Variants in MSRB3 observed in about 807,000 individuals in gnomAD.
MSRB3 encodes the protein methionine-R-sulfoxide reductase B3.
In MSRB3, 13 loss-of-function variants were observed where a neutral mutation model predicts 21.0. The observed-to-expected ratio is 0.62, with a 90% CI of 0.40 to 0.98. The LOEUF (loss-of-function observed/expected upper bound fraction) is 0.98, where lower values mean the gene tolerates loss of function less well. Ranked by LOEUF, MSRB3 falls within the 50% of genes least tolerant of loss-of-function variation. The probability of loss-of-function intolerance (pLI) is 0.00; values close to 1 mark genes in which losing one functional copy is unlikely to be tolerated. For synonymous variants in MSRB3, 87 were observed against 88.6 expected (o/e 0.98, Z 0.10); for missense variants, 199 against 230.3 (o/e 0.86, Z 0.88).
chr12:65,391,475 C>T (rs1162846784), intron 5 of MSRB3, among the ~76,000 whole-genome samples: 1 of 152,170 alleles, frequency 6.6e-6, no homozygotes, highest in Non-Finnish European at 1.5e-5. Context: ...TGGTTGTAGA[C>T]TTTTAATTTC....
intron 4 of MSRB3, among the ~76,000 whole-genome samples, chr12:65,332,240 C>T (rs1875470741): frequency 6.6e-6 from 1 of 151,976 alleles, no homozygotes; most frequent in Non-Finnish European, 1.5e-5. Context: ...CTATCAGGGG[C>T]CCTGTAGGTA....
chr12:65,392,208 T>G (rs1879519589), intron 5 of MSRB3, among the ~76,000 whole-genome samples: 1 of 152,128 alleles, frequency 6.6e-6, no homozygotes, highest in African/African-American at 2.4e-5. Context: ...GACACTGGCA[T>G]TGTTTTAAAA....
chr12:65,298,533 G>A (rs1006041442), intron 1 of MSRB3, among the ~76,000 whole-genome samples: 3 of 152,090 alleles, frequency 2.0e-5, no homozygotes, highest in African/African-American at 7.2e-5. Flanking sequence ...TCTCATTCAG[G>A]ACTTTTCCTC....
At chr12:65,330,985 G>T (rs574626815) in intron 4 of MSRB3, among the ~76,000 whole-genome samples, 2 of 152,114 alleles carry the variant, frequency 1.3e-5, no homozygotes, top group Non-Finnish European at 2.9e-5. Context: ...GAATACATCC[G>T]ATTTGGTTGA....
At chr12:65,330,115 G>A (rs1875312039) in intron 4 of MSRB3, among the ~76,000 whole-genome samples, 1 of 152,134 alleles carries the variant, frequency 6.6e-6, no homozygotes, top group South Asian at 2.1e-4. Flanking sequence ...TTTTGATTCA[G>A]ATTCTCCATC....
At chr12:65,434,271 T>C (rs1338524447) in intron 5 of MSRB3, among the ~76,000 whole-genome samples, 2 of 151,898 alleles carry the variant, frequency 1.3e-5, no homozygotes, top group Non-Finnish European at 2.9e-5. Flanking sequence ...GCATTCCTCC[T>C]TTGATCCTTC....
intron 5 of MSRB3, among the ~76,000 whole-genome samples, chr12:65,398,979 TA>T (rs1879967741): frequency 6.6e-6 from 1 of 152,172 alleles, no homozygotes; most frequent in Non-Finnish European, 1.5e-5. Context: ...TCAATTTTGG[TA>T]CCAGTACCAT....
At chr12:65,445,602 T>C (rs1882577203) in intron 5 of MSRB3, among the ~76,000 whole-genome samples, 1 of 151,814 alleles carries the variant, frequency 6.6e-6, no homozygotes, top group African/African-American at 2.4e-5. Flanking sequence ...TTTATGCTAA[T>C]TTCATGTATA....
intron 5 of MSRB3, among the ~76,000 whole-genome samples, chr12:65,416,491 G>A (rs1880982018): frequency 6.6e-6 from 1 of 152,208 alleles, no homozygotes; most frequent in African/African-American, 2.4e-5. Context: ...ACATTGGAGA[G>A]CATATACAAA....
At chr12:65,346,647 C>T (rs1259390668) in intron 4 of MSRB3, among the ~76,000 whole-genome samples, 11 of 151,992 alleles carry the variant, frequency 7.2e-5, no homozygotes, top group Middle Eastern at 3.4e-3. Flanking sequence ...GTTTTAGACA[C>T]GAAGTCCTTG....
intron 5 of MSRB3, among the ~76,000 whole-genome samples, chr12:65,422,981 A>C (rs1331851875): frequency 2.0e-5 from 1 of 49,716 alleles, no homozygotes; most frequent in African/African-American, 6.4e-5. Context: ...TTTTTTTTTG[A>C]GACAGAGTCT....
intron 1 of MSRB3, among the ~76,000 whole-genome samples, chr12:65,307,443 C>T (rs1022521449): frequency 2.6e-5 from 4 of 151,932 alleles, no homozygotes; most frequent in Admixed American, 6.6e-5. Flanking sequence ...CAGAAGAGTC[C>T]GGAACAGACT....
intron 4 of MSRB3, among the ~76,000 whole-genome samples, chr12:65,335,923 G>A (rs142379608): frequency 1.3e-5 from 2 of 152,200 alleles, no homozygotes; most frequent in African/African-American, 2.4e-5. Context: ...ATCCTTTAAC[G>A]AAGAAAGCTT....
Position 65,465,423 on chromosome 12 carries a change from A to C in MSRB3, c.*2101A>C, listed in dbSNP as rs1391621258. ...ATGAAGACTGACAGCTTTCCTTGTA[A>C]GCACTAAGAGAAAAAAAAGAAAGAG... On this transcript the variant is annotated 3_prime_UTR_variant, in exon 7 of 7. Transcript: ENST00000308259. The C allele has an allele frequency of 6.6e-6, 1 of 152,184 alleles. No homozygotes were observed. The highest frequency in any genetic ancestry group is 2.4e-5 in the African/African-American group (1 of 41,444). The allele number at this position is 152,184 out of a possible 1,614,324, so 9.4% of individuals were successfully genotyped here. A position where few individuals can be genotyped will look rare whatever the true frequency, so the allele number is the denominator to read the frequency against.
At chr12:65,320,789 G>T (rs1449352410) in intron 2 of MSRB3, among the ~76,000 whole-genome samples, 1 of 152,152 alleles carries the variant, frequency 6.6e-6, no homozygotes, top group Non-Finnish European at 1.5e-5. Flanking sequence ...ATTAAGATAC[G>T]TAGTTGTAAA....
chr12:65,307,744 A>G (rs536966913), intron 1 of MSRB3, among the ~76,000 whole-genome samples: 54 of 152,298 alleles, frequency 3.5e-4, no homozygotes, highest in African/African-American at 1.1e-3. Flanking sequence ...ACATTAAAAA[A>G]CATTTTTACA....
At chr12:65,375,709 A>G (rs1156610326) in intron 5 of MSRB3, among the ~76,000 whole-genome samples, 1 of 152,120 alleles carries the variant, frequency 6.6e-6, no homozygotes, top group Non-Finnish European at 1.5e-5. Flanking sequence ...ACAGCACTAG[A>G]ATTAGGCATG....
At chr12:65,290,963 C>G (rs1872632074) in intron 1 of MSRB3, among the ~76,000 whole-genome samples, 1 of 152,196 alleles carries the variant, frequency 6.6e-6, no homozygotes. Flanking sequence ...CCAAACCCCT[C>G]AAATTACAGA....
chr12:65,313,199 C>T (rs963492463), intron 2 of MSRB3, among the ~76,000 whole-genome samples: 1 of 152,070 alleles, frequency 6.6e-6, no homozygotes, highest in African/African-American at 2.4e-5. Context: ...CACTTCTTTG[C>T]AGCAAATTAT....
Sources: gnomAD v4.1 joint callset for allele counts (sites outside exome capture counted in the v4.1 genomes callset) on GRCh38, gnomAD v4.1.1 for gene constraint, MANE v1.5 for transcripts, NCBI Gene and HGNC (gene_info 2026-07-23, HGNC 2026-07-21) for gene names.